The following EXOC4 variants were observed in gnomAD, a reference collection of about 807,000 sequenced individuals.
EXOC4 encodes the protein SEC8-like 1.
In EXOC4, 71 loss-of-function variants were observed where a neutral mutation model predicts 107.2. The ratio of observed to expected loss-of-function variants is 0.66; its 90% confidence interval spans 0.55 to 0.81. EXOC4 has a LOEUF of 0.81. Ranked by LOEUF, EXOC4 falls within the 30% of genes least tolerant of loss-of-function variation. EXOC4 has a pLI of 0.00. For synonymous variants in EXOC4, 456 were observed against 441.2 expected (o/e 1.03, Z -0.42); for missense variants, 1,108 against 1,189.6 (o/e 0.93, Z 1.01).
the EXOC4 span, among the ~76,000 whole-genome samples, chr7:134,086,115 C>G: frequency 6.6e-6 from 1 of 152,120 alleles, no homozygotes; most frequent in African/African-American, 2.4e-5. Flanking sequence ...TAGCTGACCA[C>G]TAAGTTAACT....
chr7:133,481,418 G>A (rs1293994493), intron 9 of EXOC4, among the ~76,000 whole-genome samples: 1 of 152,090 alleles, frequency 6.6e-6, no homozygotes, highest in Non-Finnish European at 1.5e-5. Context: ...GGCTCACGTA[G>A]CATTTTGCAG....
intron 7 of EXOC4, among the ~76,000 whole-genome samples, chr7:133,397,355 A>G (rs1046666050): frequency 6.6e-6 from 1 of 150,830 alleles, no homozygotes; most frequent in Non-Finnish European, 1.5e-5. Context: ...GGTGGTCTCG[A>G]AATCCCAACC....
chr7:134,001,931 T>G (rs992709535), intron 15 of EXOC4, among the ~76,000 whole-genome samples: 1 of 152,248 alleles, frequency 6.6e-6, no homozygotes, highest in Non-Finnish European at 1.5e-5. Context: ...GGAGTCATAA[T>G]GTCTGTCATT....
intron 9 of EXOC4, among the ~76,000 whole-genome samples, chr7:133,509,381 T>C (rs1799724848): frequency 6.7e-6 from 1 of 149,380 alleles, no homozygotes; most frequent in Admixed American, 6.7e-5. Flanking sequence ...TGAGCCGAGA[T>C]CACACCACTG....
At chr7:133,886,720 T>G (rs1799094638) in intron 11 of EXOC4, among the ~76,000 whole-genome samples, 1 of 152,150 alleles carries the variant, frequency 6.6e-6, no homozygotes. Flanking sequence ...ATAGTCAACA[T>G]TAGCAAATCT....
chr7:133,910,326 A>T (rs1029261054), intron 12 of EXOC4, among the ~76,000 whole-genome samples: 2 of 152,166 alleles, frequency 1.3e-5, no homozygotes, highest in Non-Finnish European at 2.9e-5. Flanking sequence ...TCATATGAGA[A>T]CTTGTCTATT....
chr7:133,995,784 T>G (rs1050952077), intron 14 of EXOC4, among the ~76,000 whole-genome samples: 1 of 152,206 alleles, frequency 6.6e-6, no homozygotes, highest in African/African-American at 2.4e-5. Flanking sequence ...GCCTTACATG[T>G]TAGAAGCCTG....
At chr7:133,617,986 G>A (rs1219710122) in intron 9 of EXOC4, among the ~76,000 whole-genome samples, 1 of 152,026 alleles carries the variant, frequency 6.6e-6, no homozygotes, top group African/African-American at 2.4e-5. Flanking sequence ...TATAAAACAT[G>A]CAAACATACA....
chr7:133,888,274 A>T (rs1045413748), intron 11 of EXOC4, among the ~76,000 whole-genome samples: 1 of 152,190 alleles, frequency 6.6e-6, no homozygotes, highest in African/African-American at 2.4e-5. Context: ...CATAATCTGT[A>T]TTTAAGCATA....
chr7:133,715,581 TA>T (rs1794983371), intron 10 of EXOC4, among the ~76,000 whole-genome samples: 3 of 152,152 alleles, frequency 2.0e-5, no homozygotes, highest in Non-Finnish European at 4.4e-5. Flanking sequence ...TCATACAGTA[TA>T]AAAACCCTTA....
At chr7:133,356,635 G>A (rs1796027249) in intron 6 of EXOC4, 62 bp downstream of exon 6, 2 of 1,573,020 alleles carry the variant, frequency 1.3e-6, no homozygotes, top group East Asian at 2.3e-5. Flanking sequence ...TCTAGGGTGG[G>A]GCGTAAGTAA....
intron 13 of EXOC4, among the ~76,000 whole-genome samples, chr7:133,935,614 A>T (rs1800281934): frequency 6.6e-6 from 1 of 152,192 alleles, no homozygotes. Context: ...TTCATTCATC[A>T]TCCCACTAAA....
chr7:133,323,394 C>T (rs1795160957), intron 5 of EXOC4, among the ~76,000 whole-genome samples: 1 of 152,118 alleles, frequency 6.6e-6, no homozygotes, highest in Non-Finnish European at 1.5e-5. Context: ...CCATCAATAC[C>T]TAGTTTATCG....
chr7:133,503,020 G>T (rs928473443), intron 9 of EXOC4, among the ~76,000 whole-genome samples: 7 of 152,124 alleles, frequency 4.6e-5, no homozygotes, highest in Non-Finnish European at 8.8e-5. Context: ...TATAAATAGT[G>T]TAAGACTAGT....
chr7:133,397,430 G>A (rs779147337), intron 7 of EXOC4, among the ~76,000 whole-genome samples: 6 of 151,794 alleles, frequency 4.0e-5, no homozygotes, highest in Admixed American at 1.3e-4. Flanking sequence ...CACTGCGCCC[G>A]GCTCATTTGG....
At chr7:133,896,501 A>G (rs1799311309) in intron 12 of EXOC4, among the ~76,000 whole-genome samples, 1 of 123,536 alleles carries the variant, frequency 8.1e-6, no homozygotes, top group Non-Finnish European at 1.6e-5. Flanking sequence ...GGCAGAAGGA[A>G]CAAAAAACAA....
intron 1 of EXOC4, among the ~76,000 whole-genome samples, chr7:133,260,853 A>G (rs971270511): frequency 6.6e-6 from 1 of 151,886 alleles, no homozygotes; most frequent in Non-Finnish European, 1.5e-5. Flanking sequence ...TCAGATTTCT[A>G]TTTTAGGCCA....
At chr7:133,296,838 G>A (rs982845826) in intron 3 of EXOC4, among the ~76,000 whole-genome samples, 1 of 152,054 alleles carries the variant, frequency 6.6e-6, no homozygotes, top group Non-Finnish European at 1.5e-5. Context: ...TTCCCACACT[G>A]CACATTAGGG....
chr7:133,643,626 A>G (rs1416478679), intron 10 of EXOC4, among the ~76,000 whole-genome samples: 2 of 152,182 alleles, frequency 1.3e-5, no homozygotes, highest in Admixed American at 6.5e-5. Flanking sequence ...ACATAATACA[A>G]CTATCCTTTG....
Sources: allele counts gnomAD v4.1 joint callset (sites outside exome capture counted in the v4.1 genomes callset), GRCh38; gene constraint gnomAD v4.1.1; transcripts MANE v1.5; gene names NCBI Gene and HGNC (gene_info 2026-07-23, HGNC 2026-07-21).